The following NAA25 variants were observed in gnomAD, a reference collection of about 807,000 sequenced individuals.
NAA25 encodes N-terminal acetyltransferase B complex subunit NAA25.
NAA25 carries 30 observed loss-of-function variants against 132.5 expected under a neutral mutation model. The observed-to-expected ratio is 0.23, with a 90% confidence interval of 0.17 to 0.31. The LOEUF (loss-of-function observed/expected upper bound fraction) is 0.31, where lower values mean the gene tolerates loss of function less well. NAA25 is among the 10% of genes least tolerant of loss of function. The pLI, the probability that NAA25 is intolerant of heterozygous loss-of-function variation, is 1.00. For missense variants in NAA25, 771 were observed against 1,150.4 expected (o/e 0.67, Z 4.77); for synonymous variants, 359 against 401.9 (o/e 0.89, Z 1.28).
rs2078873196 is a variant in NAA25, at chr12:112,074,870, T to G, written c.777-106A>C. The G allele has an allele frequency of 3.9e-6, 3 of 764,998 alleles. No individual in the cohort carries two copies. The East Asian group carries it at 8.4e-5, about 21-fold the overall frequency. The allele number at this position is 764,998 out of a possible 1,614,324, so 47.4% of individuals were successfully genotyped here. On this transcript the variant is annotated intron_variant, in intron 8 of 23. Coordinates refer to ENST00000261745, the MANE Select transcript of NAA25 (RefSeq NM_024953.4). ...ATTTTGTAAGTTATATTTTAGTATG[T>G]AGTAGGTTGGCTTACCCCCACCCAC...
chr12:112,048,189 CT>C, intron 16 of NAA25, 102 bp downstream of exon 16: 1 of 1,142,270 alleles, frequency 8.8e-7, no homozygotes, highest in Non-Finnish European at 1.2e-6. Context: ...TTTTTTCCCC[CT>C]ATTTTACCTT....
chr12:112,108,324 G>A (rs977544750), intron 1 of NAA25, among the ~76,000 whole-genome samples: 4 of 152,220 alleles, frequency 2.6e-5, no homozygotes, highest in African/African-American at 7.2e-5. Context: ...CTCTGGTAGG[G>A]AATCTTCCCT....
At chr12:112,054,595 C>T in intron 13 of NAA25, 27 bp from the exon 14 acceptor site, 1 of 1,582,202 alleles carries the variant, frequency 6.3e-7, no homozygotes, top group Non-Finnish European at 8.6e-7. Context: ...GCATTATCCA[C>T]TGATCTTGAC....
At chr12:112,040,642 A>G in intron 20 of NAA25, 64 bp from the exon 21 acceptor site, 2 of 839,428 alleles carry the variant, frequency 2.4e-6, no homozygotes, top group South Asian at 3.0e-5. Flanking sequence ...AAGGAACACA[A>G]CACACAAATA....
At chr12:112,085,757 C>G (rs991438448) in intron 4 of NAA25, among the ~76,000 whole-genome samples, 2 of 151,644 alleles carry the variant, frequency 1.3e-5, no homozygotes, top group Non-Finnish European at 2.9e-5. Context: ...CAGTGGCTCA[C>G]GCCTGTAATC....
chr12:112,043,736 C>T lies in NAA25; in HGVS notation c.2139G>A (p.Glu713=), dbSNP rs758873611. Residue 713 remains glutamate, a synonymous_variant, in exon 18 of 24, where the codon GAG becomes GAA. Transcript: ENST00000261745. The part of the protein sequence containing the change: ...LNHPVEPKNS[E]KTAENGVSSR... ...AGGATACCCCATTCTCGGCAGTCTT[C>T]TCCGAGTTCTTTGGCTCCACAGGGT... is the stretch of plus-strand genomic sequence containing the variant. 9 of 1,614,182 alleles carry T rather than the reference C, an allele frequency of 5.6e-6. No individual in the cohort carries two copies. The highest frequency in any genetic ancestry group is 3.3e-4 in the Middle Eastern group (2 of 6,062).
intron 13 of NAA25, among the ~76,000 whole-genome samples, chr12:112,055,162 AC>A (rs1309672574): frequency 1.3e-5 from 2 of 152,224 alleles, no homozygotes; most frequent in African/African-American, 4.8e-5. Flanking sequence ...AGCTTTATAT[AC>A]AAAAATAGTT....
chr12:112,077,860 T>C (rs2136901260), intron 7 of NAA25, among the ~76,000 whole-genome samples: 1 of 152,048 alleles, frequency 6.6e-6, no homozygotes, highest in South Asian at 2.1e-4. Flanking sequence ...GCCAGGTATA[T>C]TATGTTTTCA....
At chr12:112,082,889 T>G (rs2078993953) in intron 4 of NAA25, among the ~76,000 whole-genome samples, 1 of 151,952 alleles carries the variant, frequency 6.6e-6, no homozygotes, top group African/African-American at 2.4e-5. Context: ...AAAATGAGTC[T>G]GAACAAAAAA....
chr12:112,074,140 A>G (rs2136892612), intron 9 of NAA25, among the ~76,000 whole-genome samples: 1 of 152,180 alleles, frequency 6.6e-6, no homozygotes, highest in African/African-American at 2.4e-5. Flanking sequence ...CAGGAGTTTG[A>G]GACCAGCCTG....
rs77123631 is a variant in NAA25, at chr12:112,055,386, G to A, written c.1448-818C>T. Among the ~76,000 whole-genome samples the A allele has an allele frequency of 4.3e-3, 647 of 152,228 alleles. 6 individuals carry two copies. The highest frequency in any genetic ancestry group is 0.015 in the African/African-American group (628 of 41,542). On this transcript the variant is annotated intron_variant, in intron 13 of 23. Transcript: ENST00000261745. ...CTCTTAAAATATGCACAAAGAGAGA[G>A]AGAAGAAGAAAACAAACAAAAATGT...
At chr12:112,064,747 C>T (rs1041789668) in intron 11 of NAA25, among the ~76,000 whole-genome samples, 70 of 152,258 alleles carry the variant, frequency 4.6e-4, no homozygotes, top group African/African-American at 1.6e-3. Context: ...AAACTAGAAT[C>T]GTTGAGGCTG....
chr12:112,095,991 G>A (rs757701866), intron 1 of NAA25, among the ~76,000 whole-genome samples: 7 of 152,158 alleles, frequency 4.6e-5, no homozygotes, highest in African/African-American at 7.2e-5. Flanking sequence ...TAACAATTAT[G>A]TATCATGTTG....
chr12:112,040,118 TA>T (rs2078281916), intron 21 of NAA25: 1 of 168,728 alleles, frequency 5.9e-6, no homozygotes, highest in South Asian at 1.7e-4. Flanking sequence ...TCACAATGCA[TA>T]ATATCTTAGC....
chr12:112,099,027 G>A (rs1385155100), intron 1 of NAA25, among the ~76,000 whole-genome samples: 6 of 149,502 alleles, frequency 4.0e-5, no homozygotes, highest in Non-Finnish European at 5.9e-5. Context: ...TCACTCTGTC[G>A]CCAGGCTGGA....
intron 10 of NAA25, chr12:112,069,269 A>G (rs558482905): frequency 2.1e-5 from 6 of 288,308 alleles, no homozygotes; most frequent in African/African-American, 1.1e-4. Flanking sequence ...ACTTTGGAAG[A>G]CTAAGGCGGG....
intron 20 of NAA25, 120 bp downstream of exon 20, chr12:112,041,919 A>C (rs375039533): frequency 8.4e-6 from 5 of 592,254 alleles, no homozygotes; most frequent in Middle Eastern, 5.1e-4. Flanking sequence ...TATTGACTCC[A>C]AAGTGTTAAA....
At chr12:112,030,421 A>G (rs1055054967) in intron 23 of NAA25, among the ~76,000 whole-genome samples, 6 of 152,124 alleles carry the variant, frequency 3.9e-5, no homozygotes, top group Admixed American at 3.9e-4. Context: ...ACATCATCAT[A>G]GCCACTTTTA....
At chr12:112,031,411 C>A (rs1246740718) in intron 23 of NAA25, among the ~76,000 whole-genome samples, 1 of 152,270 alleles carries the variant, frequency 6.6e-6, no homozygotes, top group Non-Finnish European at 1.5e-5. Context: ...CAACATAAGG[C>A]CGATTATTGC....
Sources: gnomAD v4.1 joint callset for allele counts (sites outside exome capture counted in the v4.1 genomes callset) on GRCh38, gnomAD v4.1.1 for gene constraint, MANE v1.5 for transcripts, NCBI Gene and HGNC (gene_info 2026-07-23, HGNC 2026-07-21) for gene names.